Variants in DMD observed in about 807,000 individuals in gnomAD.
DMD encodes the protein dystrophin.
A neutral mutation model predicts 330.1 loss-of-function variants in DMD; 63 were observed. That is an observed-to-expected ratio of 0.19 (90% CI 0.16 to 0.24). The LOEUF (loss-of-function observed/expected upper bound fraction) is 0.24. Among genes scored for constraint, DMD ranks in the 10% least tolerant of loss-of-function variants. The probability of loss-of-function intolerance (pLI) is 1.00; values close to 1 mark genes in which losing one functional copy is unlikely to be tolerated. For synonymous variants in DMD, 1,223 were observed against 959.8 expected (o/e 1.27, Z -5.07); for missense variants, 3,344 against 2,684.1 (o/e 1.25, Z -5.43).
At chrX:32,033,599 C>CAGAAAGAA (rs1247931001) in intron 44 of DMD, among the ~76,000 whole-genome samples, 226 of 32,985 alleles carry the variant, frequency 6.9e-3, no homozygotes, top group Non-Finnish European at 9.8e-3. Flanking sequence ...GACAGACAGA[C>CAGAAAGAA]AGACAGAAAG....
chrX:31,363,082 A>C (rs994359569), intron 60 of DMD, among the ~76,000 whole-genome samples: 4 of 112,800 alleles, frequency 3.5e-5, no homozygotes, highest in African/African-American at 1.3e-4. Context: ...AAGGCAATGC[A>C]TATGCTGAAC....
At chrX:32,627,263 T>C (rs899508017) in intron 11 of DMD, among the ~76,000 whole-genome samples, 1 of 98,240 alleles carries the variant, frequency 1.0e-5, no homozygotes, top group Non-Finnish European at 1.9e-5. Context: ...AGGGTTAACA[T>C]GAACCAGATG....
At chrX:32,495,206 C>G (rs2043372649) in intron 19 of DMD, among the ~76,000 whole-genome samples, 1 of 111,845 alleles carries the variant, frequency 8.9e-6, no homozygotes, top group African/African-American at 3.2e-5. Flanking sequence ...GCTGCCTGCT[C>G]AACAAGGGCA....
chrX:32,417,576 C>T (rs1201430998), intron 29 of DMD, among the ~76,000 whole-genome samples: 1 of 110,892 alleles, frequency 9.0e-6, no homozygotes, highest in Admixed American at 9.6e-5. Flanking sequence ...GCCTGTACTC[C>T]CCAGTGCTTG....
At chrX:31,843,519 G>A (rs1047220487) in intron 48 of DMD, among the ~76,000 whole-genome samples, 1 of 111,889 alleles carries the variant, frequency 8.9e-6, no homozygotes, top group African/African-American at 3.3e-5. Flanking sequence ...CTTCTTTTGA[G>A]AAGTATCTAT....
chrX:32,264,880 T>A (rs1260801758), intron 43 of DMD, among the ~76,000 whole-genome samples: 1 of 112,169 alleles, frequency 8.9e-6, no homozygotes, highest in Non-Finnish European at 1.9e-5. Context: ...CATTCAGTTT[T>A]ATGTATCCAC....
At chrX:32,783,131 A>G (rs1227360320) in intron 7 of DMD, among the ~76,000 whole-genome samples, 2 of 101,502 alleles carry the variant, frequency 2.0e-5, no homozygotes, top group African/African-American at 7.1e-5. Flanking sequence ...GTATATACAT[A>G]TATGTATATA....
At chrX:33,102,307 G>T (rs1049468403) in intron 1 of DMD, among the ~76,000 whole-genome samples, 8 of 40,753 alleles carry the variant, frequency 2.0e-4, no homozygotes, top group South Asian at 3.6e-3. Context: ...CAGAAGGCTG[G>T]TTTTTTTTGT....
intron 63 of DMD, among the ~76,000 whole-genome samples, chrX:31,224,057 C>G (rs925201339): frequency 3.6e-5 from 4 of 111,527 alleles, no homozygotes; most frequent in African/African-American, 1.3e-4. Context: ...CTCAAGTCTG[C>G]ACAAGCCTTG....
chrX:32,386,436 C>T lies in DMD; in HGVS notation c.4548G>A (p.Lys1516=). The change falls in exon 33 of 79, where the codon AAG becomes AAA. Residue 1516 remains lysine (K), a synonymous_variant. Coordinates refer to ENST00000357033, the MANE Select transcript of DMD (RefSeq NM_004006.3). The part of the protein sequence containing the change: ...VNLYKSLSEV[K]SEVEMVIKTG... The stretch of plus-strand genomic sequence containing the variant: ...TCTTTATCACCATTTCCACTTCAGA[C>T]TTCACTTCACTCAGACTTTTATACA... 1 of 1,206,939 alleles carries T rather than the reference C, an allele frequency of 8.3e-7. No homozygotes were observed. Among genetic ancestry groups the T allele is most frequent in the Non-Finnish European group, 1.1e-6 (1 of 891,936 alleles).
intron 2 of DMD, among the ~76,000 whole-genome samples, chrX:32,956,327 G>C (rs1231437337): frequency 8.9e-6 from 1 of 111,818 alleles, no homozygotes; most frequent in East Asian, 2.8e-4. Context: ...ATTTGTTTCT[G>C]TCATCTCTGA....
At chrX:31,137,743 T>C (rs1206898183) in intron 76 of DMD, among the ~76,000 whole-genome samples, 1 of 110,025 alleles carries the variant, frequency 9.1e-6, no homozygotes, top group Non-Finnish European at 1.9e-5. Context: ...GTAAACTATA[T>C]AGGTATCTTG....
intron 52 of DMD, 23 bp from the exon 53 acceptor site, chrX:31,679,609 T>C: frequency 8.8e-7 from 1 of 1,142,557 alleles, no homozygotes; most frequent in East Asian, 3.0e-5. Flanking sequence ...GAAAAATAAA[T>C]ATATAGTAGT....
At chrX:32,319,443 T>C (rs976621108) in intron 41 of DMD, among the ~76,000 whole-genome samples, 1 of 111,779 alleles carries the variant, frequency 8.9e-6, no homozygotes, top group Non-Finnish European at 1.9e-5. Flanking sequence ...AAAACAAGTA[T>C]CAACTTAACA....
intron 1 of DMD, among the ~76,000 whole-genome samples, chrX:33,097,607 CT>C (rs5902054): frequency 3.1e-3 from 184 of 59,617 alleles, no homozygotes; most frequent in African/African-American, 0.012. Flanking sequence ...ACATGAGACT[CT>C]TTTTTTTTTT....
In DMD at chrX:31,416,728, A is replaced by G. The variant is rs185472815; in HGVS notation, c.9084+27753T>C. Among the ~76,000 whole-genome samples the G allele has an allele frequency of 5.3e-3, 591 of 112,040 alleles. 5 individuals carry two copies. The highest frequency in any genetic ancestry group is 0.013 in the African/African-American group (414 of 30,864). On this transcript the variant is annotated intron_variant, in intron 60 of 78. Transcript: ENST00000357033. ...GGCTTGAGGTAGCCATTCCTCATCC[A>G]CCTCAAACACATCTGTGGTTCTCCA...
chrX:32,542,241 C>A (rs1439801641), intron 17 of DMD, among the ~76,000 whole-genome samples: 4 of 111,185 alleles, frequency 3.6e-5, no homozygotes, highest in Admixed American at 1.9e-4. Context: ...CCAGCCTGGC[C>A]AAGATGGTGA....
chrX:31,968,172 G>GA (rs72466601), intron 45 of DMD, among the ~76,000 whole-genome samples, 167 bp downstream of exon 45: 1 of 111,290 alleles, frequency 9.0e-6, no homozygotes, highest in South Asian at 3.7e-4. Flanking sequence ...TTTAGTATAT[G>GA]AAAAAAAGAA....
At chrX:32,531,632 AG>A (rs2047485740) in intron 17 of DMD, among the ~76,000 whole-genome samples, 1 of 111,856 alleles carries the variant, frequency 8.9e-6, no homozygotes, top group East Asian at 2.8e-4. Context: ...GAAAAGTTGA[AG>A]ATCTTCATTT....
Sources: allele counts gnomAD v4.1 joint callset (sites outside exome capture counted in the v4.1 genomes callset), GRCh38; gene constraint gnomAD v4.1.1; transcripts MANE v1.5; gene names NCBI Gene and HGNC (gene_info 2026-07-23, HGNC 2026-07-21).